PLEKHA1: variants seen among roughly 807,000 people sequenced by gnomAD.
PLEKHA1 encodes the protein pleckstrin homology domain-containing family A member 1.
Under a neutral mutation model 52.0 loss-of-function variants are expected in PLEKHA1, and 34 were observed. The ratio of observed to expected loss-of-function variants is 0.65; its 90% CI spans 0.50 to 0.87. The LOEUF is 0.87. Ranked by LOEUF, PLEKHA1 falls within the 40% of genes least tolerant of loss-of-function variation. The probability of loss-of-function intolerance (pLI) is 0.00; values close to 1 mark genes in which losing one functional copy is unlikely to be tolerated. For missense variants in PLEKHA1, 497 were observed against 504.2 expected (o/e 0.99, Z 0.14); for synonymous variants, 163 against 170.7 (o/e 0.95, Z 0.35).
intron 5 of PLEKHA1, among the ~76,000 whole-genome samples, chr10:122,407,445 T>C (rs953774771): frequency 2.6e-5 from 4 of 152,200 alleles, no homozygotes; most frequent in African/African-American, 9.7e-5. Context: ...ACCAGTGTTA[T>C]AGCTGGTAGA....
chr10:122,426,890 A>C, intron 10 of PLEKHA1, 52 bp from the exon 11 acceptor site: 1 of 1,414,480 alleles, frequency 7.1e-7, no homozygotes. Context: ...GGCTGTATAG[A>C]AGTAGGTGAT....
intron 4 of PLEKHA1, among the ~76,000 whole-genome samples, chr10:122,405,472 GC>G (rs1565222502): frequency 6.6e-6 from 1 of 151,674 alleles, no homozygotes; most frequent in Non-Finnish European, 1.5e-5. Flanking sequence ...AATGCAGATG[GC>G]CAATAAACTT....
chr10:122,415,163 G>A (rs1033158119), intron 6 of PLEKHA1, among the ~76,000 whole-genome samples: 1 of 152,126 alleles, frequency 6.6e-6, no homozygotes, highest in Non-Finnish European at 1.5e-5. Context: ...CAGTCTGGAC[G>A]AATCTCTAGA....
chr10:122,433,901 T>C (rs774402209), downstream of PLEKHA1: 1 of 152,234 alleles, frequency 6.6e-6, no homozygotes, highest in Non-Finnish European at 1.5e-5. Context: ...CAAGAACTTA[T>C]CTAGGTTTAG....
At chr10:122,416,793 A>G (rs559467341) in intron 7 of PLEKHA1, among the ~76,000 whole-genome samples, 1 of 152,278 alleles carries the variant, frequency 6.6e-6, no homozygotes, top group South Asian at 2.1e-4. Flanking sequence ...CTGTGAGTAA[A>G]GAAATACTTA....
intron 3 of PLEKHA1, among the ~76,000 whole-genome samples, chr10:122,398,338 CT>C (rs1478636644): frequency 2.0e-5 from 3 of 151,786 alleles, no homozygotes; most frequent in Non-Finnish European, 4.4e-5. Flanking sequence ...ATCCCATTGT[CT>C]TTGATACTTT....
chr10:122,423,082 T>C (rs1368627728), intron 8 of PLEKHA1: 1 of 150,658 alleles, frequency 6.6e-6, no homozygotes, highest in African/African-American at 2.4e-5. Context: ...TTAAACTATT[T>C]TGTAAAACTT....
chr10:122,405,940 C>T (rs1746038042), intron 4 of PLEKHA1, among the ~76,000 whole-genome samples: 1 of 152,094 alleles, frequency 6.6e-6, no homozygotes, highest in African/African-American at 2.4e-5. Context: ...TCCCACCTTA[C>T]AGTCTCTCAT....
At chr10:122,422,936 C>T (rs1219006133) in intron 8 of PLEKHA1, 1 of 151,964 alleles carries the variant, frequency 6.6e-6, no homozygotes, top group Admixed American at 6.6e-5. Context: ...CTCTGTCACA[C>T]ACATATATAA....
Position 122,398,075 on chromosome 10 carries a change from A to G in PLEKHA1, c.198+101A>G, listed in dbSNP as rs571047469. The stretch of plus-strand genomic sequence containing the variant: ...TTCCTTTCCATGTCCTTTAACAGTG[A>G]TGTTCAGATTCCTATCATACTGAAA... On this transcript the variant is annotated intron_variant, in intron 3 of 11. Coordinates refer to ENST00000368990, the MANE Select transcript of PLEKHA1 (RefSeq NM_001001974.4). 1.0e-5 allele frequency: 9 copies of G among 896,760 alleles called. No homozygotes were observed. In the South Asian group the frequency reaches 1.6e-4, roughly 16 times the overall value. 55.6% of individuals were successfully genotyped at this position (896,760 alleles called of 1,614,324 possible).
intron 1 of PLEKHA1, among the ~76,000 whole-genome samples, chr10:122,390,653 A>T (rs997714919): frequency 3.9e-5 from 6 of 152,180 alleles, no homozygotes; most frequent in African/African-American, 7.2e-5. Flanking sequence ...TGGTACATGC[A>T]TGTAGTTCTC....
chr10:122,415,485 C>T (rs974474564), intron 6 of PLEKHA1, among the ~76,000 whole-genome samples: 1 of 152,210 alleles, frequency 6.6e-6, no homozygotes, highest in African/African-American at 2.4e-5. Context: ...TGCCAATGTC[C>T]ATTTCTTGTT....
intron 2 of PLEKHA1, among the ~76,000 whole-genome samples, chr10:122,394,069 C>CTTTTTTTTTTT (rs796831792): frequency 2.1e-5 from 2 of 97,208 alleles, no homozygotes; most frequent in Non-Finnish European, 4.4e-5. Flanking sequence ...ACTTTCTCTA[C>CTTTTTTTTTTT]TTTTTTTTTT....
At chr10:122,433,098 A>G (rs375752129), downstream of PLEKHA1, 2 of 152,138 alleles carry the variant, frequency 1.3e-5, no homozygotes, top group Admixed American at 6.5e-5. Context: ...TGGCATGTTC[A>G]TACCTTGTTC....
At chr10:122,439,896 G>C in the PLEKHA1 span, 1 of 152,040 alleles carries the variant, frequency 6.6e-6, no homozygotes, top group Non-Finnish European at 1.5e-5. Context: ...ATCTTTTCTG[G>C]GGTCAGTTTT....
intron 1 of PLEKHA1, among the ~76,000 whole-genome samples, chr10:122,378,709 C>T (rs1332581346): frequency 6.7e-6 from 1 of 148,458 alleles, no homozygotes; most frequent in East Asian, 2.0e-4. Context: ...GCACTCCAGC[C>T]TGGGTGACAG....
Position 122,405,788 on chromosome 10 carries a change from G to A in PLEKHA1, c.245-788G>A, listed in dbSNP as rs565862670. Among the ~76,000 whole-genome samples the A allele has an allele frequency of 7.2e-4, 110 of 152,228 alleles. 1 individual carries two copies. The highest frequency in any genetic ancestry group is 1.3e-3 in the Non-Finnish European group (88 of 68,016). On this transcript the variant is annotated intron_variant, in intron 4 of 11. Coordinates refer to ENST00000368990, the MANE Select transcript of PLEKHA1 (RefSeq NM_001001974.4). ...GCAGTGGAGTAGAAGCCACCATGGA[G>A]CTATTAGTATCCAAGGGGACTCTGC... is the stretch of plus-strand genomic sequence containing the variant.
At position 122,397,876 on chromosome 10, in the gene PLEKHA1, A is replaced by C. The variant is rs1325666978; in HGVS notation, c.142-42A>C. Reference sequence around the variant, plus strand: ...GAACATTATATTATAAAATGAATTCATAATATTGGATATTAAGTATATATT... The same window carrying C: ...GAACATTATATTATAAAATGAATTCCTAATATTGGATATTAAGTATATATT... On this transcript the variant is annotated intron_variant, in intron 2 of 11. Transcript: ENST00000368990. 3 of 1,396,896 alleles carry C rather than the reference A, an allele frequency of 2.1e-6. No individual in the cohort carries two copies. The East Asian group carries it at 7.2e-5, about 34-fold the overall frequency. The allele number at this position is 1,396,896 out of a possible 1,614,324, so 86.5% of individuals were successfully genotyped here. A position where few individuals can be genotyped will look rare whatever the true frequency, so the allele number is the denominator to read the frequency against.
chr10:122,428,370 T>G, intron 11 of PLEKHA1: 2 of 1,544,194 alleles, frequency 1.3e-6, no homozygotes, highest in Non-Finnish European at 1.7e-6. Context: ...CACGCAAACG[T>G]GCCTTCTTAG....
Sources: allele counts gnomAD v4.1 joint callset (sites outside exome capture counted in the v4.1 genomes callset), GRCh38; gene constraint gnomAD v4.1.1; transcripts MANE v1.5; gene names NCBI Gene and HGNC (gene_info 2026-07-23, HGNC 2026-07-21).